Variants in TBC1D5 observed in about 807,000 individuals in gnomAD.
TBC1D5 encodes TBC1 domain family member 5, also known as TBC1 domain family, member 5.
A neutral mutation model predicts 100.3 loss-of-function variants in TBC1D5; 75 were observed. The ratio of observed to expected loss-of-function variants is 0.75; its 90% CI spans 0.62 to 0.91. The LOEUF (loss-of-function observed/expected upper bound fraction) is 0.91, where lower values mean the gene tolerates loss of function less well. TBC1D5 is among the 40% of genes least tolerant of loss of function. TBC1D5 has a pLI of 0.00. For missense variants in TBC1D5, 910 were observed against 942.4 expected, an observed-to-expected ratio of 0.97 and a Z score of 0.45; for synonymous variants, 323 against 325.6, an observed-to-expected ratio of 0.99 and a Z score of 0.09.
chr3:17,612,035 G>A (rs1010011517), intron 2 of TBC1D5, among the ~76,000 whole-genome samples: 4 of 152,094 alleles, frequency 2.6e-5, no homozygotes, highest in Admixed American at 2.6e-4. Context: ...GGGCACAGTG[G>A]CTCACCCCTA....
chr3:17,644,597 T>C (rs1426294841), intron 1 of TBC1D5, among the ~76,000 whole-genome samples: 1 of 152,142 alleles, frequency 6.6e-6, no homozygotes, highest in African/African-American at 2.4e-5. Context: ...TGAAGTTTCC[T>C]TCTGCACATT....
chr3:17,473,956 AACAGT>A (rs2150176261), intron 3 of TBC1D5, among the ~76,000 whole-genome samples: 1 of 152,198 alleles, frequency 6.6e-6, no homozygotes, highest in Non-Finnish European at 1.5e-5. Context: ...TGTTGGAAAA[AACAGT>A]ACAGTAATAT....
intron 3 of TBC1D5, among the ~76,000 whole-genome samples, chr3:17,490,638 A>G (rs755362585): frequency 6.6e-6 from 1 of 151,956 alleles, no homozygotes; most frequent in Non-Finnish European, 1.5e-5. Flanking sequence ...GTGCAGTCTT[A>G]TATCTGAGTT....
intron 3 of TBC1D5, among the ~76,000 whole-genome samples, chr3:17,473,789 T>C (rs1404916494): frequency 6.6e-6 from 1 of 152,190 alleles, no homozygotes; most frequent in Non-Finnish European, 1.5e-5. Context: ...AAAATTTTAG[T>C]AATAACATGA....
intron 2 of TBC1D5, among the ~76,000 whole-genome samples, chr3:17,607,767 C>T (rs1256617684): frequency 1.3e-5 from 2 of 152,064 alleles, no homozygotes; most frequent in Admixed American, 1.3e-4. Flanking sequence ...ACAGGATTAA[C>T]AGTCCTCCTT....
intron 1 of TBC1D5, among the ~76,000 whole-genome samples, chr3:17,635,403 G>A (rs1357404885): frequency 6.6e-6 from 1 of 152,202 alleles, no homozygotes; most frequent in East Asian, 1.9e-4. Flanking sequence ...GGTCAAGGCT[G>A]GGTGTGGTGT....
intron 4 of TBC1D5, among the ~76,000 whole-genome samples, chr3:17,427,715 G>A (rs1288234066): frequency 6.6e-6 from 1 of 151,756 alleles, no homozygotes; most frequent in African/African-American, 2.4e-5. Flanking sequence ...TATTATTATT[G>A]AATTTGCACT....
intron 1 of TBC1D5, among the ~76,000 whole-genome samples, chr3:17,734,994 G>A (rs745885526): frequency 1.3e-5 from 2 of 152,022 alleles, no homozygotes; most frequent in African/African-American, 2.4e-5. Flanking sequence ...TCAGAAGGCC[G>A]AGGTGGAAGG....
At chr3:17,275,550 C>A (rs2079898473) in intron 15 of TBC1D5, among the ~76,000 whole-genome samples, 1 of 152,090 alleles carries the variant, frequency 6.6e-6, no homozygotes, top group African/African-American at 2.4e-5. Context: ...TTTAAACAAA[C>A]CAACCAACCA....
chr3:17,313,918 C>T (rs561235906), intron 13 of TBC1D5, among the ~76,000 whole-genome samples: 1 of 152,236 alleles, frequency 6.6e-6, no homozygotes, highest in East Asian at 1.9e-4. Flanking sequence ...TATCTTATTG[C>T]CTTTGACCTC....
intron 3 of TBC1D5, among the ~76,000 whole-genome samples, chr3:17,477,582 C>T (rs533615829): frequency 6.6e-6 from 1 of 152,064 alleles, no homozygotes; most frequent in Admixed American, 6.5e-5. Flanking sequence ...ACTTGTGATA[C>T]AACTGTATAA....
intron 1 of TBC1D5, chr3:17,706,292 G>T: frequency 6.5e-7 from 1 of 1,535,894 alleles, no homozygotes; most frequent in Non-Finnish European, 8.8e-7. Flanking sequence ...GAACTAGAGG[G>T]TCTCACCTTT....
chr3:17,406,212 C>T (rs1490033850), intron 5 of TBC1D5, among the ~76,000 whole-genome samples: 2 of 152,006 alleles, frequency 1.3e-5, no homozygotes, highest in Non-Finnish European at 2.9e-5. Flanking sequence ...TTATATGACT[C>T]TTTTACCGTT....
intron 10 of TBC1D5, 42 bp downstream of exon 10, chr3:17,376,483 G>A: frequency 1.3e-6 from 2 of 1,542,452 alleles, no homozygotes; most frequent in Non-Finnish European, 1.8e-6. Flanking sequence ...TTACCGTGGG[G>A]GCTAAAAAAC....
chr3:17,294,258 C>G (rs1310278666), intron 14 of TBC1D5, among the ~76,000 whole-genome samples: 2 of 152,104 alleles, frequency 1.3e-5, no homozygotes, highest in African/African-American at 2.4e-5. Context: ...CTTGCTCTGT[C>G]ACCCAGGCTA....
chr3:17,523,244 A>C (rs1193962038), intron 2 of TBC1D5, among the ~76,000 whole-genome samples: 2 of 152,190 alleles, frequency 1.3e-5, no homozygotes, highest in Non-Finnish European at 2.9e-5. Flanking sequence ...CTTCTTCAGA[A>C]ACTCATTTTA....
intron 16 of TBC1D5, among the ~76,000 whole-genome samples, chr3:17,253,353 C>T (rs1046160523): frequency 1.3e-5 from 2 of 152,174 alleles, no homozygotes; most frequent in African/African-American, 4.8e-5. Context: ...GTTCAAATAA[C>T]TAAGCATTTG....
At chr3:17,332,101 A>G (rs1336842734) in intron 13 of TBC1D5, among the ~76,000 whole-genome samples, 2 of 152,154 alleles carry the variant, frequency 1.3e-5, no homozygotes, top group African/African-American at 4.8e-5. Flanking sequence ...TAGGATGAAA[A>G]CAGGAAGACC....
chr3:17,205,578 G>A (rs968581031), intron 18 of TBC1D5, among the ~76,000 whole-genome samples: 8 of 152,278 alleles, frequency 5.3e-5, no homozygotes, highest in Middle Eastern at 3.4e-3. Flanking sequence ...TACTTCAAGC[G>A]TAATTTACCT....
Sources: gnomAD v4.1 joint callset for allele counts (sites outside exome capture counted in the v4.1 genomes callset) on GRCh38, gnomAD v4.1.1 for gene constraint, MANE v1.5 for transcripts, NCBI Gene and HGNC (gene_info 2026-07-23, HGNC 2026-07-21) for gene names.